EYS: variants seen among roughly 807,000 people sequenced by gnomAD.
EYS encodes the protein protein eyes shut homolog.
In EYS, 250 loss-of-function variants were observed where a neutral mutation model predicts 282.1. The ratio of observed to expected loss-of-function variants is 0.89; its 90% CI spans 0.80 to 0.98. The LOEUF is 0.98. Ranked by LOEUF, EYS falls within the 50% of genes least tolerant of loss-of-function variation. The pLI is 0.00. For synonymous variants in EYS, 1,355 were observed against 1,282.9 expected (o/e 1.06, Z -1.20); for missense variants, 4,016 against 3,709.0 (o/e 1.08, Z -2.15).
At chr6:65,152,437 C>T (rs1764634996) in intron 12 of EYS, among the ~76,000 whole-genome samples, 1 of 151,852 alleles carries the variant, frequency 6.6e-6, no homozygotes, top group South Asian at 2.1e-4. Context: ...TGGCCCTAAT[C>T]CAATTGGTCT....
chr6:64,249,063 C>CAAAAAAAAA lies in EYS; in HGVS notation c.6192-18248_6192-18240dup, dbSNP rs34663169. ...TGGGCTACAGAGTGACACCCTGTCT[C>CAAAAAAAAA]AAAAAAAAAAAAAAAAAAAAAAGAT... On this transcript the variant is annotated intron_variant, in intron 30 of 42. Transcript: ENST00000503581. Among the ~76,000 whole-genome samples the CAAAAAAAAA allele has an allele frequency of 3.6e-4, 25 of 70,058 alleles. 1 individual carries two copies. Among genetic ancestry groups the CAAAAAAAAA allele is most frequent in the African/African-American group, 1.5e-3 (21 of 14,226 alleles). The allele number at this position is 70,058 out of a possible 152,430, so 46.0% of individuals were successfully genotyped here.
intron 26 of EYS, among the ~76,000 whole-genome samples, chr6:64,504,258 T>C (rs1777142572): frequency 6.6e-6 from 1 of 152,184 alleles, no homozygotes; most frequent in Admixed American, 6.5e-5. Flanking sequence ...TCATCCTTGC[T>C]TTTATAATTA....
At chr6:65,617,082 T>C (rs1352716583) in intron 2 of EYS, among the ~76,000 whole-genome samples, 2 of 152,186 alleles carry the variant, frequency 1.3e-5, no homozygotes, top group African/African-American at 2.4e-5. Context: ...TTTTTATACT[T>C]TCTTTGATCT....
chr6:64,696,803 T>A (rs1053936701), intron 22 of EYS, among the ~76,000 whole-genome samples: 7 of 152,154 alleles, frequency 4.6e-5, no homozygotes, highest in African/African-American at 1.7e-4. Context: ...CTAAGGAAAT[T>A]TGTCACCATG....
chr6:64,761,003 T>A (rs949600478), intron 22 of EYS, among the ~76,000 whole-genome samples: 1 of 152,192 alleles, frequency 6.6e-6, no homozygotes, highest in Non-Finnish European at 1.5e-5. Flanking sequence ...ACTAAAAAAA[T>A]TGCTTTAAAT....
intron 12 of EYS, among the ~76,000 whole-genome samples, chr6:65,183,189 A>G (rs530911092): frequency 2.0e-5 from 3 of 151,968 alleles, no homozygotes; most frequent in Non-Finnish European, 1.5e-5. Flanking sequence ...ATTTTTTCGT[A>G]TAGTTATTAC....
At chr6:64,843,698 T>G (rs374612721) in intron 19 of EYS, among the ~76,000 whole-genome samples, 2 of 152,230 alleles carry the variant, frequency 1.3e-5, no homozygotes, top group African/African-American at 4.8e-5. Flanking sequence ...GGACTTGCCT[T>G]GTTTCAGATG....
intron 12 of EYS, among the ~76,000 whole-genome samples, chr6:65,163,895 C>T (rs1358815696): frequency 6.6e-6 from 1 of 151,090 alleles, no homozygotes; most frequent in African/African-American, 2.4e-5. Flanking sequence ...TGGTAGATAC[C>T]AGATGGCTCC....
intron 33 of EYS, among the ~76,000 whole-genome samples, chr6:64,001,440 A>G (rs1768088555): frequency 6.6e-6 from 1 of 152,206 alleles, no homozygotes; most frequent in Non-Finnish European, 1.5e-5. Flanking sequence ...CTGAAACTCA[A>G]TGCAACCGAC....
At chr6:64,957,868 G>T (rs1438669890) in intron 14 of EYS, among the ~76,000 whole-genome samples, 1 of 151,998 alleles carries the variant, frequency 6.6e-6, no homozygotes, top group Non-Finnish European at 1.5e-5. Context: ...TATGGTATTT[G>T]CTTATTGTTT....
intron 5 of EYS, among the ~76,000 whole-genome samples, chr6:65,416,156 C>T (rs756962961): frequency 2.6e-5 from 4 of 151,770 alleles, no homozygotes; most frequent in Non-Finnish European, 5.9e-5. Context: ...GAAAAACCAA[C>T]AGAATTTGGA....
At chr6:64,455,572 T>G (rs749129539) in intron 26 of EYS, among the ~76,000 whole-genome samples, 2 of 152,012 alleles carry the variant, frequency 1.3e-5, no homozygotes, top group Non-Finnish European at 2.9e-5. Context: ...CTGCATGCAT[T>G]AGGTATTTGT....
At chr6:64,278,463 G>C (rs1421779788) in intron 30 of EYS, among the ~76,000 whole-genome samples, 3 of 151,908 alleles carry the variant, frequency 2.0e-5, no homozygotes, top group East Asian at 3.9e-4. Context: ...CAGAATTTTG[G>C]AGTTGTAAAT....
chr6:64,827,706 A>G (rs1168816692), intron 19 of EYS, among the ~76,000 whole-genome samples: 2 of 151,914 alleles, frequency 1.3e-5, no homozygotes, highest in Non-Finnish European at 2.9e-5. Context: ...TAAGAGCTCC[A>G]AAAGCAAAAT....
rs1424737588 is a variant in EYS at position 64,792,836 on chromosome 6, T to C, written c.3443+20542A>G. On this transcript the variant is annotated intron_variant, in intron 22 of 42. Coordinates refer to ENST00000503581, the MANE Select transcript of EYS (RefSeq NM_001142800.2). Reference sequence around the variant, plus strand: ...GACAATGTCAAAGTCATAATTGTTTTAATTTCATACGATCTTGACACGTGT... The same window carrying C: ...GACAATGTCAAAGTCATAATTGTTTCAATTTCATACGATCTTGACACGTGT... 3.9e-5 allele frequency among the ~76,000 whole-genome samples: 3 copies of C among 77,710 alleles called. No individual in the cohort carries two copies. In the East Asian group the frequency reaches 1.3e-3, roughly 33 times the overall value. The allele number at this position is 77,710 out of a possible 152,430, so 51.0% of individuals were successfully genotyped here.
intron 36 of EYS, among the ~76,000 whole-genome samples, chr6:63,863,039 C>G (rs1025248615): frequency 6.6e-6 from 1 of 152,206 alleles, no homozygotes; most frequent in African/African-American, 2.4e-5. Flanking sequence ...CCAGCTTTTT[C>G]ATGTCATCAC....
intron 13 of EYS, among the ~76,000 whole-genome samples, chr6:65,027,809 T>G (rs961420370): frequency 6.6e-6 from 1 of 152,194 alleles, no homozygotes; most frequent in Non-Finnish European, 1.5e-5. Flanking sequence ...TTGTAAGGCA[T>G]GTTGTTTGTT....
intron 31 of EYS, among the ~76,000 whole-genome samples, chr6:64,117,967 A>G (rs929025202): frequency 6.6e-6 from 1 of 152,030 alleles, no homozygotes; most frequent in African/African-American, 2.4e-5. Flanking sequence ...AAAAATACCT[A>G]AGACCAAATT....
At position 63,720,890 on chromosome 6, in the gene EYS, T is replaced by C. The variant is rs1220161055; in HGVS notation, c.9141A>G (p.Val3047=). 1 of 1,550,764 alleles carries C rather than the reference T, an allele frequency of 6.4e-7. No homozygotes were observed. Among genetic ancestry groups the C allele is most frequent in the African/African-American group, 1.4e-5 (1 of 73,038 alleles). ...TAAGAGTCTGATTTTGAATTACAAC[T>C]ACATGGTGCCATTTATTACAACAGA... ...GTFCCNKWHH[V]VVIQNQTLIK... The change falls in exon 43 of 43, where the codon GTA becomes GTG. Residue 3047 remains valine, a synonymous_variant. Coordinates refer to ENST00000503581, the MANE Select transcript of EYS (RefSeq NM_001142800.2).
Sources: gnomAD v4.1 joint callset for allele counts (sites outside exome capture counted in the v4.1 genomes callset) on GRCh38, gnomAD v4.1.1 for gene constraint, MANE v1.5 for transcripts, NCBI Gene and HGNC (gene_info 2026-07-23, HGNC 2026-07-21) for gene names.